SRPRA: variants seen among roughly 807,000 people sequenced by gnomAD.
SRPRA encodes the protein signal recognition particle receptor subunit alpha.
Under a neutral mutation model 61.1 loss-of-function variants are expected in SRPRA, and 30 were observed. The observed-to-expected ratio is 0.49, with a 90% CI of 0.37 to 0.67. SRPRA has a LOEUF of 0.67. Ranked by LOEUF, SRPRA falls within the 30% of genes least tolerant of loss-of-function variation. The pLI, the probability that SRPRA is intolerant of heterozygous loss-of-function variation, is 0.00. For missense variants in SRPRA, 759 were observed against 828.4 expected (o/e 0.92, Z 1.03); for synonymous variants, 324 against 299.7 (o/e 1.08, Z -0.84).
chr11:126,250,770 T>C, the SRPRA span: 2 of 1,475,850 alleles, frequency 1.4e-6, no homozygotes, highest in Non-Finnish European at 9.4e-7. This position sits in a 1 kb window ranked among gnomAD's most constrained non-coding sequence, Gnocchi z 5.1. Flanking sequence ...TTCAGGCTAG[T>C]GGATTTTATC....
chr11:126,249,634 G>A, the SRPRA span, among the ~76,000 whole-genome samples: 1 of 151,330 alleles, frequency 6.6e-6, no homozygotes, highest in East Asian at 1.9e-4. Flanking sequence ...GGGAAGCTGA[G>A]GCAGGAGAAT....
the SRPRA span, among the ~76,000 whole-genome samples, chr11:126,243,539 A>G: frequency 6.6e-6 from 1 of 152,074 alleles, no homozygotes; most frequent in Non-Finnish European, 1.5e-5. Flanking sequence ...TCCTCAACAA[A>G]GTACAACCAG....
chr11:126,266,725 T>TA, intron 5 of SRPRA, 38 bp downstream of exon 5: 1 of 1,611,516 alleles, frequency 6.2e-7, no homozygotes, highest in Non-Finnish European at 8.5e-7. Flanking sequence ...TGTGTCTAGA[T>TA]AACAGTATTT....
chr11:126,264,770 G>T lies in SRPRA; in HGVS notation c.1525+189C>A, dbSNP rs1410803530. 2.6e-6 allele frequency: 2 copies of T among 755,518 alleles called. No homozygotes were observed. Among genetic ancestry groups the T allele is most frequent in the South Asian group, 1.9e-5 (1 of 52,880 alleles). The allele number at this position is 755,518 out of a possible 1,614,324, so 46.8% of individuals were successfully genotyped here. ...CCAAATTCAGGTTTCTCTGGTTAAGGTATATTAGCTTTGCCTGCAACTACA... is the reference window on the plus strand; with the variant it reads ...CCAAATTCAGGTTTCTCTGGTTAAGTTATATTAGCTTTGCCTGCAACTACA... On this transcript the variant is annotated intron_variant, in intron 11 of 13. Coordinates refer to ENST00000332118, the MANE Select transcript of SRPRA (RefSeq NM_003139.4). This position sits in a 1 kb window ranked among gnomAD's most constrained non-coding sequence, Gnocchi z 5.0.
Position 126,264,740 on chromosome 11 carries a change from G to T in SRPRA, c.1526-201C>A. On this transcript the variant is annotated intron_variant, in intron 11 of 13. Transcript: ENST00000332118. The surrounding 1 kb of genome is among the most constrained non-coding windows in gnomAD (Gnocchi z 5.0). ...AGGAAAAGGAGGACAACAGGATGAA[G>T]GTGACCAAATTCAGGTTTCTCTGGT... is the stretch of plus-strand genomic sequence containing the variant. 1.3e-6 allele frequency: 1 copy of T among 766,478 alleles called. No individual in the cohort carries two copies. The highest frequency in any genetic ancestry group is 2.0e-6 in the Non-Finnish European group (1 of 489,564). The allele number at this position is 766,478 out of a possible 1,614,324, so 47.5% of individuals were successfully genotyped here. A position where few individuals can be genotyped will look rare whatever the true frequency, so the allele number is the denominator to read the frequency against.
the SRPRA span, chr11:126,256,962 C>A: frequency 8.7e-7 from 1 of 1,147,082 alleles, no homozygotes; most frequent in Non-Finnish European, 1.2e-6. This position sits in a 1 kb window ranked among gnomAD's most constrained non-coding sequence, Gnocchi z 6.6. Context: ...AATGTAATGA[C>A]TGACCAAATT....
In SRPRA at chr11:126,265,745, G is replaced by A. The variant is rs748514596; in HGVS notation, c.1130C>T (p.Thr377Met). ...CTTAGGTAAGTACTTACTGCTGAAC[G>A]TCCCCATCACCTTCCCTTCCAACTT... The part of the protein sequence containing the change: ...ANKLEGKVMG[T>M]FSTVTSTVKQ... Residue 377 changes from threonine (T) to methionine (M), a missense_variant, in exon 9 of 14, where the codon ACG (threonine) becomes ATG (methionine). Thr to Met is a moderately conservative substitution (Grantham distance 81, BLOSUM62 -1). Around this residue, in one of 2 missense-constraint regions of SRPRA, gnomAD observed 284 missense variants for 365.9 expected, o/e 0.78. Transcript: ENST00000332118. This position sits in a 1 kb window ranked among gnomAD's most constrained non-coding sequence, Gnocchi z 6.3. 3.7e-6 allele frequency: 6 copies of A among 1,614,130 alleles called. No individual in the cohort carries two copies. The highest frequency in any genetic ancestry group is 4.2e-6 in the Non-Finnish European group (5 of 1,180,016).
Position 126,268,084 on chromosome 11 carries a change from T to A in SRPRA, c.120A>T (p.Glu40Asp). ...NALIRSVLLQ[E>D]RGGNNSFTHE... ...GGGTGAAGGAGTTGTTACCTCCCCG[T>A]TCCTGGAGAAAGAGTATGTCTCAGT... The change falls in exon 2 of 14, where the codon GAA becomes GAT. Residue 40 changes from glutamate (E) to aspartate (D), a missense_variant and splice_region_variant. Physicochemically the swap from Glu to Asp is conservative, Grantham distance 45. Transcript: ENST00000332118. The A allele has an allele frequency of 6.2e-7, 1 of 1,613,972 alleles. No homozygotes were observed. The highest frequency in any genetic ancestry group is 1.1e-5 in the South Asian group (1 of 91,076).
chr11:126,261,808 G>A (rs561260812), downstream of SRPRA, among the ~76,000 whole-genome samples: 2 of 152,216 alleles, frequency 1.3e-5, no homozygotes, highest in Admixed American at 6.5e-5. Flanking sequence ...GAGCAACATA[G>A]CAAGATGCTG....
At position 126,267,623 on chromosome 11, in the gene SRPRA, C is replaced by G; in HGVS notation, c.291G>C (p.Glu97Asp). Residue 97 changes from glutamate (E) to aspartate (D), a missense_variant, in exon 3 of 14, where the codon GAG becomes GAC. Glu to Asp is a conservative substitution (Grantham distance 45). Around this residue, in one of 2 missense-constraint regions of SRPRA, gnomAD observed 475 missense variants for 462.5 expected, o/e 1.03. Transcript: ENST00000332118. The surrounding 1 kb of genome is among the most constrained non-coding windows in gnomAD (Gnocchi z 4.2). ...AACTTAAAGCACTTTGCTGTTGGAT[C>G]TCTGTGCGGTACTTGTCCCGAAACA... ...HRLFRDKYRT[E>D]IQQQSALSLL... 3.1e-6 allele frequency: 5 copies of G among 1,614,144 alleles called. No homozygotes were observed. Among genetic ancestry groups the G allele is most frequent in the Non-Finnish European group, 4.2e-6 (5 of 1,180,038 alleles).
Position 126,266,749 on chromosome 11 carries a change from G to C in SRPRA, c.686+14C>G. ...ATAACAGTATTTTGAGAGTACTGGAGAAAGAGTGCTCACTTGGACTTCTCC... is the reference window on the plus strand; with the variant it reads ...ATAACAGTATTTTGAGAGTACTGGACAAAGAGTGCTCACTTGGACTTCTCC... On this transcript the variant is annotated intron_variant, in intron 5 of 13. Transcript: ENST00000332118. 6.2e-7 allele frequency: 1 copy of C among 1,613,770 alleles called. No individual in the cohort carries two copies. Among genetic ancestry groups the C allele is most frequent in the Non-Finnish European group, 8.5e-7 (1 of 1,179,770 alleles).
the SRPRA span, among the ~76,000 whole-genome samples, chr11:126,242,927 A>G: frequency 6.6e-6 from 1 of 152,234 alleles, no homozygotes. Context: ...TGTTCATAGC[A>G]ACGTTATTCA....
At chr11:126,247,886 T>G in the SRPRA span, among the ~76,000 whole-genome samples, 1 of 145,418 alleles carries the variant, frequency 6.9e-6, no homozygotes, top group South Asian at 2.1e-4. Context: ...TATATCTATA[T>G]ATATATATAG....
chr11:126,242,003 C>T, the SRPRA span, among the ~76,000 whole-genome samples: 14 of 123,318 alleles, frequency 1.1e-4, no homozygotes, highest in South Asian at 5.2e-4. Context: ...CCAGCCTGGG[C>T]GACAGAGGAA....
At chr11:126,256,322 C>A in the SRPRA span, among the ~76,000 whole-genome samples, 1 of 152,216 alleles carries the variant, frequency 6.6e-6, no homozygotes, top group African/African-American at 2.4e-5. The surrounding 1 kb of genome is among the most constrained non-coding windows in gnomAD (Gnocchi z 6.6). Flanking sequence ...AGTACACTGA[C>A]ACCAGCTCTA....
chr11:126,259,746 A>C (rs192292628), downstream of SRPRA, among the ~76,000 whole-genome samples: 26 of 137,876 alleles, frequency 1.9e-4, no homozygotes, highest in African/African-American at 7.0e-4. Flanking sequence ...TTTGAGATGG[A>C]GTTTCTCTCT....
In SRPRA at chr11:126,267,390, C is replaced by T. The variant is rs1950834625; in HGVS notation, c.366-55G>A. The T allele has an allele frequency of 8.1e-6, 13 of 1,602,826 alleles. No homozygotes were observed. In the South Asian group the frequency reaches 1.1e-4, roughly 14 times the overall value. On this transcript the variant is annotated intron_variant, in intron 3 of 13. Transcript: ENST00000332118. This position sits in a 1 kb window ranked among gnomAD's most constrained non-coding sequence, Gnocchi z 4.2. ...CTACCCCATGCAGAAGGAAAAATAACGGTCCAGAGAAAGGACTCTCACACC... is the reference window on the plus strand; with the variant it reads ...CTACCCCATGCAGAAGGAAAAATAATGGTCCAGAGAAAGGACTCTCACACC...
downstream of SRPRA, chr11:126,260,921 C>T (rs186030927): frequency 4.0e-3 from 615 of 154,370 alleles, 9 homozygotes; most frequent in Admixed American, 6.6e-3. Flanking sequence ...GCTGGTGCAC[C>T]GTTGAAATGT....
In SRPRA at chr11:126,268,723, G is replaced by C; in HGVS notation, c.82C>G (p.Pro28Ala). The change falls in exon 1 of 14, where the codon CCC (proline) becomes GCC (alanine). Residue 28 changes from proline to alanine, a missense_variant. Pro to Ala is a conservative substitution (Grantham distance 27, BLOSUM62 -1). Coordinates refer to ENST00000332118, the MANE Select transcript of SRPRA (RefSeq NM_003139.4). ...ACGGAACGAATCAACGCGTTAACGG[G>C]TCCGGTGCATGAGTCGCTAACGCCC... is the stretch of plus-strand genomic sequence containing the variant. ...FQGVSDSCTGPVNALIRSVLL... is the reference protein window; with the variant it reads ...FQGVSDSCTGAVNALIRSVLL... 1 of 1,613,890 alleles carries C rather than the reference G, an allele frequency of 6.2e-7. No homozygotes were observed. The highest frequency in any genetic ancestry group is 8.5e-7 in the Non-Finnish European group (1 of 1,180,012).
Sources: allele counts gnomAD v4.1 joint callset (sites outside exome capture counted in the v4.1 genomes callset), GRCh38; gene constraint gnomAD v4.1.1; regional missense constraint gnomAD v4.1.1; non-coding constraint Gnocchi (gnomAD v3.1); transcripts MANE v1.5; gene names NCBI Gene and HGNC (gene_info 2026-07-23, HGNC 2026-07-21).